The following RNF216 variants were observed in gnomAD, a reference collection of about 807,000 sequenced individuals.
The protein encoded by RNF216 is E3 ubiquitin-protein ligase RNF216.
Under a neutral mutation model 110.8 loss-of-function variants are expected in RNF216, and 72 were observed. The ratio of observed to expected loss-of-function variants is 0.65; its 90% CI spans 0.54 to 0.79. RNF216 has a LOEUF of 0.79. Among genes scored for constraint, RNF216 ranks in the 30% least tolerant of loss-of-function variants. RNF216 has a pLI of 0.00. For missense variants in RNF216, 1,342 were observed against 1,141.2 expected, an observed-to-expected ratio of 1.18 and a Z score of -2.54; for synonymous variants, 495 against 407.5, an observed-to-expected ratio of 1.21 and a Z score of -2.59.
intron 3 of RNF216, among the ~76,000 whole-genome samples, chr7:5,745,409 T>A (rs1794979157): frequency 6.6e-6 from 1 of 152,246 alleles, no homozygotes; most frequent in South Asian, 2.1e-4. Flanking sequence ...TATTCCCATT[T>A]ATGTCTGTGG....
intron 15 of RNF216, among the ~76,000 whole-genome samples, chr7:5,634,823 G>C (rs1283017102): frequency 6.6e-6 from 1 of 152,266 alleles, no homozygotes; most frequent in Non-Finnish European, 1.5e-5. Flanking sequence ...GTACTGGACT[G>C]TGCTGCCCTG....
chr7:5,720,720 T>C, intron 9 of RNF216, among the ~76,000 whole-genome samples: 1 of 152,088 alleles, frequency 6.6e-6, no homozygotes, highest in Admixed American at 6.6e-5. Flanking sequence ...AATATATACA[T>C]TCCAGCTGAC....
At position 5,663,368 on chromosome 7, in the gene RNF216, C is replaced by G. The variant is rs191873720; in HGVS notation, c.2062-10858G>C. 1.4e-3 allele frequency among the ~76,000 whole-genome samples: 216 copies of G among 152,132 alleles called. 2 individuals carry two copies. The highest frequency in any genetic ancestry group is 0.014 in the Middle Eastern group (4 of 294). On this transcript the variant is annotated intron_variant, in intron 13 of 16. Coordinates refer to ENST00000389902, the MANE Select transcript of RNF216 (RefSeq NM_207111.4). ...GGCCGAGGCAGGTGGATCATGACGT[C>G]AGGAGATCGAGACCATCCTGGCTAA...
At chr7:5,691,722 A>C (rs148433114) in intron 13 of RNF216, among the ~76,000 whole-genome samples, 89 of 152,380 alleles carry the variant, frequency 5.8e-4, no homozygotes, top group African/African-American at 2.1e-3. Context: ...CAGGGAGTCC[A>C]TCAGTACTAA....
At chr7:5,636,645 C>G (rs556454912) in intron 15 of RNF216, among the ~76,000 whole-genome samples, 2 of 152,158 alleles carry the variant, frequency 1.3e-5, no homozygotes, top group African/African-American at 4.8e-5. Context: ...GGTTGGAATT[C>G]GATCGGTCTC....
intron 13 of RNF216, among the ~76,000 whole-genome samples, chr7:5,658,056 G>T (rs959499236): frequency 6.6e-6 from 1 of 152,210 alleles, no homozygotes; most frequent in Non-Finnish European, 1.5e-5. Flanking sequence ...ACGCACACAC[G>T]GCAGGGGAGC....
rs71971690 is a variant in RNF216, at chr7:5,686,224, T to TAAA, written c.2061+25534_2061+25536dup. On this transcript the variant is annotated intron_variant, in intron 13 of 16. Transcript: ENST00000389902. ...GGTTGACAGAGTATGACTCTGTTAT[T>TAAA]AAAAAAAAAAAAAAAAAAAAAAAAT... Among the ~76,000 whole-genome samples the TAAA allele has an allele frequency of 1.0e-2, 1,114 of 111,586 alleles. 22 individuals carry two copies. Among genetic ancestry groups the TAAA allele is most frequent in the African/African-American group, 0.038 (1,048 of 27,660 alleles). The allele number at this position is 111,586 out of a possible 152,430, so 73.2% of individuals were successfully genotyped here.
intron 13 of RNF216, among the ~76,000 whole-genome samples, chr7:5,662,901 G>C (rs552017543): frequency 5.0e-4 from 76 of 152,124 alleles, no homozygotes; most frequent in Non-Finnish European, 9.0e-4. Context: ...AGCGTTCCAG[G>C]TACAGGGAAT....
chr7:5,653,970 G>A (rs1028717476), intron 13 of RNF216, among the ~76,000 whole-genome samples: 1 of 152,252 alleles, frequency 6.6e-6, no homozygotes, highest in African/African-American at 2.4e-5. Context: ...AGGGCATGAT[G>A]AGCAGTTTTT....
At chr7:5,678,531 C>T (rs1206882189) in intron 13 of RNF216, among the ~76,000 whole-genome samples, 1 of 152,216 alleles carries the variant, frequency 6.6e-6, no homozygotes, top group African/African-American at 2.4e-5. Context: ...GAGTAGTCCA[C>T]CATGGCTACT....
intron 13 of RNF216, among the ~76,000 whole-genome samples, chr7:5,685,198 G>T (rs1326662139): frequency 6.6e-6 from 1 of 152,174 alleles, no homozygotes; most frequent in Admixed American, 6.5e-5. Context: ...ACCACGGATG[G>T]GTGGGCATGG....
chr7:5,645,449 C>T (rs1438163720), intron 14 of RNF216, among the ~76,000 whole-genome samples: 1 of 152,176 alleles, frequency 6.6e-6, no homozygotes, highest in Admixed American at 6.5e-5. Context: ...TTCTGCTCCT[C>T]CTCCAACTGC....
At chr7:5,768,750 C>T (rs1450157264) in intron 1 of RNF216, among the ~76,000 whole-genome samples, 1 of 151,688 alleles carries the variant, frequency 6.6e-6, no homozygotes, top group Non-Finnish European at 1.5e-5. Flanking sequence ...CAAGCTCCGC[C>T]TCCCGGGTTT....
intron 14 of RNF216, among the ~76,000 whole-genome samples, chr7:5,648,636 G>A (rs917286476): frequency 6.6e-6 from 1 of 151,254 alleles, no homozygotes; most frequent in African/African-American, 2.4e-5. Flanking sequence ...GCTGAGGCAG[G>A]AGAACGGTGT....
intron 1 of RNF216, among the ~76,000 whole-genome samples, chr7:5,779,581 T>G (rs1796962528): frequency 6.6e-6 from 1 of 150,420 alleles, no homozygotes; most frequent in South Asian, 2.1e-4. Context: ...GGCTAAAGCC[T>G]GTAATTCTTG....
chr7:5,736,880 C>T (rs930018174), intron 5 of RNF216, among the ~76,000 whole-genome samples: 4 of 151,508 alleles, frequency 2.6e-5, no homozygotes, highest in Non-Finnish European at 4.4e-5. Flanking sequence ...GCCCCTCCGC[C>T]CGGCAGCCGC....
intron 15 of RNF216, among the ~76,000 whole-genome samples, chr7:5,627,099 G>A (rs1304883701): frequency 6.6e-6 from 1 of 152,122 alleles, no homozygotes; most frequent in African/African-American, 2.4e-5. Flanking sequence ...GGCCTTCGAT[G>A]GCACAAGGGG....
At chr7:5,757,250 C>T (rs1176343167) in intron 2 of RNF216, among the ~76,000 whole-genome samples, 1 of 152,070 alleles carries the variant, frequency 6.6e-6, no homozygotes, top group African/African-American at 2.4e-5. Flanking sequence ...TTTAGATCTG[C>T]CAATTTTTGC....
chr7:5,757,906 G>C (rs1242611927), intron 2 of RNF216, among the ~76,000 whole-genome samples: 1 of 152,134 alleles, frequency 6.6e-6, no homozygotes, highest in African/African-American at 2.4e-5. Flanking sequence ...TGTAATCCTA[G>C]CACTTCGTGA....
Sources: gnomAD v4.1 joint callset for allele counts (sites outside exome capture counted in the v4.1 genomes callset) on GRCh38, gnomAD v4.1.1 for gene constraint, MANE v1.5 for transcripts, NCBI Gene and HGNC (gene_info 2026-07-23, HGNC 2026-07-21) for gene names.